The following THOC1 variants were observed in gnomAD, a reference collection of about 807,000 sequenced individuals.
THOC1 encodes the protein THO complex 1.
Under a neutral mutation model 97.3 loss-of-function variants are expected in THOC1, and 29 were observed. That is an observed-to-expected ratio of 0.30 (90% CI 0.22 to 0.41). THOC1 has a LOEUF of 0.41. Ranked by LOEUF, THOC1 falls within the 10% of genes least tolerant of loss-of-function variation. THOC1 has a pLI of 1.00. For synonymous variants in THOC1, 255 were observed against 257.0 expected, an observed-to-expected ratio of 0.99 and a Z score of 0.07; for missense variants, 529 against 761.9, an observed-to-expected ratio of 0.69 and a Z score of 3.60.
chr18:225,270 G>A, intron 13 of THOC1, 67 bp downstream of exon 13: 2 of 1,580,768 alleles, frequency 1.3e-6, no homozygotes, highest in East Asian at 2.2e-5. Context: ...TCCTATTTGG[G>A]GCTGAAACAA....
Position 235,383 on chromosome 18 carries a change from G to A in THOC1, c.919-8482C>T, listed in dbSNP as rs187317987. On this transcript the variant is annotated intron_variant, in intron 11 of 20. Transcript: ENST00000261600. ...GCTATTATTACTTCCATTTTCTTGA[G>A]CTTTATTTTGTACTTTTTCTAACTT... Among the ~76,000 whole-genome samples the A allele has an allele frequency of 6.5e-4, 99 of 151,882 alleles. 1 individual carries two copies. The highest frequency in any genetic ancestry group is 3.0e-3 in the Admixed American group (46 of 15,260).
At chr18:253,970 G>T (rs1335445969) in intron 8 of THOC1, among the ~76,000 whole-genome samples, 2 of 150,016 alleles carry the variant, frequency 1.3e-5, no homozygotes, top group African/African-American at 4.9e-5. Flanking sequence ...GAGTACAGTG[G>T]CATGATCAAG....
At chr18:262,874 C>G (rs1291674121) in intron 4 of THOC1, among the ~76,000 whole-genome samples, 2 of 152,100 alleles carry the variant, frequency 1.3e-5, no homozygotes, top group African/African-American at 2.4e-5. Context: ...AGTATTTTAA[C>G]CAAATTGGTT....
intron 16 of THOC1, among the ~76,000 whole-genome samples, chr18:223,720 AATCTT>A (rs1173738560): frequency 6.6e-6 from 1 of 152,226 alleles, no homozygotes; most frequent in Non-Finnish European, 1.5e-5. Context: ...ATAATGATAT[AATCTT>A]TAGTTTTTTC....
intron 1 of THOC1, 23 bp from the exon 2 acceptor site, chr18:265,553 AAT>A (rs772892571): frequency 7.2e-6 from 11 of 1,519,510 alleles, no homozygotes; most frequent in Non-Finnish European, 8.0e-6. Context: ...TAAAATGGCA[AAT>A]AATTGTAAAG....
chr18:224,175 A>G lies in THOC1; in HGVS notation c.1213T>C (p.Ser405Pro), dbSNP rs1214281676. 9 of 1,602,930 alleles carry G rather than the reference A, an allele frequency of 5.6e-6. No homozygotes were observed. The highest frequency in any genetic ancestry group is 6.8e-6 in the Non-Finnish European group (8 of 1,172,766). The change falls in exon 16 of 21, where the codon TCA becomes CCA. Residue 405 changes from serine (S) to proline (P), a missense_variant. By Grantham distance (74) the Ser-to-Pro change is moderately conservative. Transcript: ENST00000261600. ...ATTATTCTCGTAGGTTTGGTATCTG[A>G]TGTTCTGTCGTGAACAAAACATACA... ...GCPSFVKERTSDTKPTRIIRK... is the reference protein window; with the variant it reads ...GCPSFVKERTPDTKPTRIIRK...
At chr18:262,893 A>C (rs1198887515) in intron 4 of THOC1, among the ~76,000 whole-genome samples, 1 of 152,212 alleles carries the variant, frequency 6.6e-6, no homozygotes, top group East Asian at 1.9e-4. Context: ...TTAAAGAAGA[A>C]TGCTGATAAA....
rs558769139 is a variant in THOC1, at chr18:217,518, T to C, written c.1455-885A>G. On this transcript the variant is annotated intron_variant, in intron 18 of 20. Coordinates refer to ENST00000261600, the MANE Select transcript of THOC1 (RefSeq NM_005131.3). ...ATGTAACAGTGATAAATTAATATTC[T>C]TTCAATCGACAAACACTTTTGAGCC... Among the ~76,000 whole-genome samples the C allele has an allele frequency of 2.6e-5, 4 of 152,242 alleles. No homozygotes were observed. In the South Asian group the frequency reaches 8.3e-4, roughly 31 times the overall value.
intron 11 of THOC1, among the ~76,000 whole-genome samples, chr18:232,450 T>G (rs191546736): frequency 2.5e-4 from 38 of 152,044 alleles, no homozygotes; most frequent in Middle Eastern, 3.4e-3. Flanking sequence ...CTGCTATAAT[T>G]AATCCATTTT....
At chr18:265,093 T>C (rs1912720828) in intron 3 of THOC1, 1 of 523,672 alleles carries the variant, frequency 1.9e-6, no homozygotes, top group African/African-American at 2.0e-5. Flanking sequence ...GAGAGGGCTC[T>C]TGTCATTTAT....
chr18:262,293 AT>A (rs1269294798), intron 4 of THOC1, among the ~76,000 whole-genome samples: 1 of 152,200 alleles, frequency 6.6e-6, no homozygotes, highest in Non-Finnish European at 1.5e-5. Context: ...AAGGTTAGGC[AT>A]TTTTGTATGC....
intron 11 of THOC1, among the ~76,000 whole-genome samples, 197 bp from the exon 12 acceptor site, chr18:227,098 A>G (rs1288586596): frequency 6.6e-6 from 1 of 152,160 alleles, no homozygotes; most frequent in Non-Finnish European, 1.5e-5. Flanking sequence ...AGATTTCTTG[A>G]CTGTTTTATG....
chr18:252,394 TTAAG>T lies in THOC1; in HGVS notation c.677+141_677+144del, dbSNP rs1386023348. 25 of 653,768 alleles carry T rather than the reference TTAAG, an allele frequency of 3.8e-5. 1 individual carries two copies. The highest frequency in any genetic ancestry group is 2.7e-4 in the Middle Eastern group (1 of 3,740). 40.5% of individuals were successfully genotyped at this position (653,768 alleles called of 1,614,324 possible). ...AAGCCCATTAGTGATTTACGATTTATTAAGTAATATACATGAAAATTACAAATGA... is the reference window on the plus strand; with the variant it reads ...AAGCCCATTAGTGATTTACGATTTATTAATATACATGAAAATTACAAATGA... On this transcript the variant is annotated intron_variant, in intron 9 of 20. Transcript: ENST00000261600.
At chr18:245,226 T>G (rs1044844187) in intron 11 of THOC1, 1 of 152,190 alleles carries the variant, frequency 6.6e-6, no homozygotes. Context: ...GCATTAGATT[T>G]ATGGATTTTG....
rs1396446152 is a variant in THOC1 at position 225,395 on chromosome 18, T to C, written c.1028A>G (p.Tyr343Cys). The C allele has an allele frequency of 3.1e-6, 5 of 1,612,794 alleles. No individual in the cohort carries two copies. The highest frequency in any genetic ancestry group is 1.7e-5 in the Admixed American group (1 of 59,754). ...KGQVKFKSSN[Y>C]VLTDEQSLWI... ...AAGTGATTGCTCATCAGTTAAAACA[T>C]AGTTTGAACTAGGGAACAAAGCAAT... The change falls in exon 13 of 21, where the codon TAT becomes TGT. Residue 343 changes from tyrosine (Y) to cysteine (C), a missense_variant. Around this residue, in one of 8 missense-constraint regions of THOC1, gnomAD observed 25 missense variants for 69.5 expected, o/e 0.36. Coordinates refer to ENST00000261600, the MANE Select transcript of THOC1 (RefSeq NM_005131.3).
In THOC1 at chr18:229,614, C is replaced by T. The variant is rs776583069; in HGVS notation, c.919-2713G>A. Among the ~76,000 whole-genome samples the T allele has an allele frequency of 1.1e-3, 175 of 152,178 alleles. 1 individual carries two copies. The highest frequency in any genetic ancestry group is 3.1e-4 in the Non-Finnish European group (21 of 68,016). ...AGGAGAATAGCTTAAACCTGGGAGG[C>T]GGAGGTTGCAATGAGTCCAGACCAT... On this transcript the variant is annotated intron_variant, in intron 11 of 20. Coordinates refer to ENST00000261600, the MANE Select transcript of THOC1 (RefSeq NM_005131.3).
intron 11 of THOC1, among the ~76,000 whole-genome samples, chr18:230,266 T>C (rs1247465165): frequency 6.6e-6 from 1 of 151,010 alleles, no homozygotes; most frequent in Non-Finnish European, 1.5e-5. Flanking sequence ...AGAGTGGGGG[T>C]TGGGGGATGG....
intron 7 of THOC1, among the ~76,000 whole-genome samples, chr18:255,799 A>G (rs566757606): frequency 6.6e-6 from 1 of 152,348 alleles, no homozygotes; most frequent in African/African-American, 2.4e-5. Flanking sequence ...CTCTCTTGTT[A>G]GGAGCTAATG....
intron 17 of THOC1, among the ~76,000 whole-genome samples, chr18:221,762 C>T (rs568202900): frequency 6.6e-5 from 10 of 152,194 alleles, no homozygotes; most frequent in South Asian, 6.2e-4. Context: ...GCGCCTGCCA[C>T]CACACTTGGC....
Sources: allele counts gnomAD v4.1 joint callset (sites outside exome capture counted in the v4.1 genomes callset), GRCh38; gene constraint gnomAD v4.1.1; regional missense constraint gnomAD v4.1.1; transcripts MANE v1.5; gene names NCBI Gene and HGNC (gene_info 2026-07-23, HGNC 2026-07-21).